AGFG1: variants seen among roughly 807,000 people sequenced by gnomAD.
AGFG1 encodes arf-GAP domain and FG repeat-containing protein 1.
Under a neutral mutation model 60.6 loss-of-function variants are expected in AGFG1, and 10 were observed. The ratio of observed to expected loss-of-function variants is 0.16; its 90% CI spans 0.10 to 0.28. AGFG1 has a LOEUF of 0.28. AGFG1 is among the 10% of genes least tolerant of loss of function. The pLI, the probability that AGFG1 is intolerant of heterozygous loss-of-function variation, is 1.00. For synonymous variants in AGFG1, 247 were observed against 242.9 expected, an observed-to-expected ratio of 1.02 and a Z score of -0.16; for missense variants, 537 against 676.5, an observed-to-expected ratio of 0.79 and a Z score of 2.29.
At chr2:227,531,525 CTTTTTTTT>C (rs34372948) in intron 6 of AGFG1, among the ~76,000 whole-genome samples, 1 of 130,240 alleles carries the variant, frequency 7.7e-6, no homozygotes, top group Non-Finnish European at 1.6e-5. Context: ...CTCTCTGTCT[CTTTTTTTT>C]TTTTTTTGGC....
chr2:227,517,088 T>C (rs1691672351), intron 2 of AGFG1, among the ~76,000 whole-genome samples: 1 of 152,214 alleles, frequency 6.6e-6, no homozygotes, highest in African/African-American at 2.4e-5. Context: ...AGGTCTGTAG[T>C]ATTTCTGGCA....
At chr2:227,520,544 A>G (rs916010258) in intron 3 of AGFG1, among the ~76,000 whole-genome samples, 1 of 152,208 alleles carries the variant, frequency 6.6e-6, no homozygotes, top group Non-Finnish European at 1.5e-5. Context: ...TGACCTAAGA[A>G]ATCAGTTTAC....
At chr2:227,545,127 T>G (rs935311159) in intron 10 of AGFG1, among the ~76,000 whole-genome samples, 5 of 152,208 alleles carry the variant, frequency 3.3e-5, no homozygotes, top group African/African-American at 1.2e-4. Context: ...TTTCACATAG[T>G]CCCGTAGTTC....
Position 227,472,482 on chromosome 2 carries a change from A to G in AGFG1, c.61A>G (p.Thr21Ala). The G allele has an allele frequency of 1.3e-6, 2 of 1,578,634 alleles. No individual in the cohort carries two copies. Among genetic ancestry groups the G allele is most frequent in the East Asian group, 2.5e-5 (1 of 40,244 alleles). Reference protein sequence around the residue: ...EKHLKMLRDMTGLPHNRKCFD... With the variant: ...EKHLKMLRDMAGLPHNRKCFD... The stretch of plus-strand genomic sequence containing the variant: ...GCACCTGAAGATGCTGCGGGACATG[A>G]CCGGCCTCCCGCACAACCGAAAGTG... Residue 21 changes from threonine (T) to alanine (A), a missense_variant, in exon 1 of 13, where the codon ACC (threonine) becomes GCC (alanine). Around this residue, in one of 4 missense-constraint regions of AGFG1, gnomAD observed 120 missense variants for 198.5 expected, o/e 0.60. Coordinates refer to ENST00000310078, the MANE Select transcript of AGFG1 (RefSeq NM_004504.5).
At chr2:227,504,537 A>G (rs1691255474) in intron 2 of AGFG1, among the ~76,000 whole-genome samples, 1 of 152,230 alleles carries the variant, frequency 6.6e-6, no homozygotes, top group African/African-American at 2.4e-5. Flanking sequence ...TTAAGCGGAC[A>G]TGCACAGTTC....
chr2:227,505,811 T>C (rs1438198579), intron 2 of AGFG1, among the ~76,000 whole-genome samples: 7 of 152,204 alleles, frequency 4.6e-5, no homozygotes, highest in Non-Finnish European at 1.0e-4. Flanking sequence ...CAATCTTGGC[T>C]CAGTGCAACC....
chr2:227,478,789 AAC>A (rs1444992881), intron 1 of AGFG1, among the ~76,000 whole-genome samples: 1 of 152,192 alleles, frequency 6.6e-6, no homozygotes, highest in Non-Finnish European at 1.5e-5. Flanking sequence ...GTACTTATAA[AAC>A]AGTTTGAATG....
chr2:227,492,016 C>T (rs955743859), intron 2 of AGFG1, among the ~76,000 whole-genome samples: 1 of 152,076 alleles, frequency 6.6e-6, no homozygotes, highest in African/African-American at 2.4e-5. Flanking sequence ...GATCAGCTTT[C>T]ACTTGAAGTC....
chr2:227,493,608 A>T (rs1036283847), intron 2 of AGFG1, among the ~76,000 whole-genome samples: 1 of 152,214 alleles, frequency 6.6e-6, no homozygotes, highest in African/African-American at 2.4e-5. Context: ...GTTATAAGTG[A>T]CTGAAATGTA....
intron 2 of AGFG1, among the ~76,000 whole-genome samples, chr2:227,509,760 A>T (rs910270945): frequency 6.6e-6 from 1 of 151,952 alleles, no homozygotes; most frequent in African/African-American, 2.4e-5. Flanking sequence ...TTAAGGATGT[A>T]TACATGGTGG....
intron 2 of AGFG1, among the ~76,000 whole-genome samples, chr2:227,510,532 GGAGGGGT>G (rs146914070): frequency 0.018 from 2,801 of 152,222 alleles, 86 homozygotes; most frequent in African/African-American, 0.064. Flanking sequence ...ATGTCTTGGT[GGAGGGGT>G]GAGTTGAGAG....
At chr2:227,497,252 T>C (rs151278926) in intron 2 of AGFG1, among the ~76,000 whole-genome samples, 67 of 149,332 alleles carry the variant, frequency 4.5e-4, no homozygotes, top group Non-Finnish European at 7.7e-4. Flanking sequence ...GATGACCCAG[T>C]TTGGTCTGCA....
At chr2:227,516,304 A>G (rs10202389) in intron 2 of AGFG1, among the ~76,000 whole-genome samples, 7,872 of 152,292 alleles carry the variant, frequency 0.052, 264 homozygotes, top group African/African-American at 0.1. Flanking sequence ...TTCTTAGTTG[A>G]CACTGATGTT....
intron 2 of AGFG1, among the ~76,000 whole-genome samples, chr2:227,507,071 T>A (rs933710397): frequency 6.6e-6 from 1 of 152,176 alleles, no homozygotes; most frequent in African/African-American, 2.4e-5. Flanking sequence ...ATCCACTAAT[T>A]AGCAATTGTA....
intron 10 of AGFG1, among the ~76,000 whole-genome samples, chr2:227,543,901 G>A (rs1692565765): frequency 6.6e-6 from 1 of 152,068 alleles, no homozygotes; most frequent in South Asian, 2.1e-4. Flanking sequence ...TCCTCTTCTT[G>A]TTGAATTGAT....
intron 10 of AGFG1, chr2:227,550,066 T>C (rs1200770218): frequency 2.2e-6 from 1 of 454,820 alleles, no homozygotes; most frequent in South Asian, 1.6e-5. Flanking sequence ...AAGGCCTTTC[T>C]GGAGCAATGC....
chr2:227,476,756 A>G (rs1036955015), intron 1 of AGFG1, among the ~76,000 whole-genome samples: 2 of 152,184 alleles, frequency 1.3e-5, no homozygotes, highest in African/African-American at 4.8e-5. Context: ...AGCTCTGTGT[A>G]TAATATTCAG....
intron 1 of AGFG1, among the ~76,000 whole-genome samples, chr2:227,481,099 C>CTTTTTTTTTTTTTTTTTT (rs36152184): frequency 2.6e-5 from 2 of 75,724 alleles, no homozygotes; most frequent in African/African-American, 5.4e-5. Context: ...GTGTTTTAGG[C>CTTTTTTTTTTTTTTTTTT]TTTTTTTTTT....
At chr2:227,474,078 A>G (rs1690209254) in intron 1 of AGFG1, among the ~76,000 whole-genome samples, 1 of 152,214 alleles carries the variant, frequency 6.6e-6, no homozygotes. Context: ...AGAAGTTGCC[A>G]GTTAATAATA....
Sources: gnomAD v4.1 joint callset for allele counts (sites outside exome capture counted in the v4.1 genomes callset) on GRCh38, gnomAD v4.1.1 for gene constraint, gnomAD v4.1.1 regional missense constraint, MANE v1.5 for transcripts, NCBI Gene and HGNC (gene_info 2026-07-23, HGNC 2026-07-21) for gene names.